Variants in UGGT2 observed in about 807,000 individuals in gnomAD.
UGGT2 encodes the protein UDP-glucose glycoprotein glucosyltransferase 2.
Under a neutral mutation model 192.1 loss-of-function variants are expected in UGGT2, and 180 were observed. The ratio of observed to expected loss-of-function variants is 0.94; its 90% CI spans 0.83 to 1.06. UGGT2 has a LOEUF of 1.06. Among genes scored for constraint, UGGT2 ranks in the 50% least tolerant of loss-of-function variants. UGGT2 has a pLI of 0.00. For missense variants in UGGT2, 1,849 were observed against 1,795.7 expected, an observed-to-expected ratio of 1.03 and a Z score of -0.54; for synonymous variants, 580 against 591.0, an observed-to-expected ratio of 0.98 and a Z score of 0.27.
chr13:95,988,842 A>ATCTTCAC (rs1025359442), intron 8 of UGGT2, among the ~76,000 whole-genome samples: 6 of 152,184 alleles, frequency 3.9e-5, no homozygotes, highest in Non-Finnish European at 8.8e-5. Flanking sequence ...TTGGACCAAA[A>ATCTTCAC]TCTTCACTTA....
Position 96,023,049 on chromosome 13 carries a change from G to A in UGGT2, c.476C>T (p.Ala159Val). Residue 159 changes from alanine to valine, a missense_variant, in exon 4 of 39, where the codon GCT (alanine) becomes GTT (valine). Ala to Val is a moderately conservative substitution (Grantham distance 64). Transcript: ENST00000376747. ...INEIKKLLKK[A>V]ASRTRPYLFK... ...GCTATTATTAATTTACCTTGAAGCA[G>A]CTTTCTTCAGCAGCTTTTTAATCTC... The A allele has an allele frequency of 1.9e-6, 3 of 1,576,864 alleles. No homozygotes were observed. Among genetic ancestry groups the A allele is most frequent in the Non-Finnish European group, 2.6e-6 (3 of 1,160,090 alleles).
intron 10 of UGGT2, among the ~76,000 whole-genome samples, chr13:95,979,837 G>T (rs1190567065): frequency 6.6e-6 from 1 of 151,998 alleles, no homozygotes; most frequent in African/African-American, 2.4e-5. Context: ...CTAAGAACAT[G>T]AATTAGACAA....
rs1047631686 is a variant in UGGT2, at chr13:95,977,618, T to C, written c.1093-4947A>G. Among the ~76,000 whole-genome samples, 49 of 152,200 alleles carry C rather than the reference T, an allele frequency of 3.2e-4. 2 individuals carry two copies. Among genetic ancestry groups the C allele is most frequent in the Non-Finnish European group, 6.8e-4 (46 of 68,022 alleles). On this transcript the variant is annotated intron_variant, in intron 10 of 38. Coordinates refer to ENST00000376747, the MANE Select transcript of UGGT2 (RefSeq NM_020121.4). ...ATGGGAATTTAAATTAGTTAAACCA[T>C]TGTAGAAGACAGTGTCGATTCCTCA...
chr13:95,975,862 G>A (rs952783946), intron 10 of UGGT2, among the ~76,000 whole-genome samples: 1 of 151,972 alleles, frequency 6.6e-6, no homozygotes, highest in Non-Finnish European at 1.5e-5. Flanking sequence ...ACACATTTAT[G>A]GAGATCTTGT....
chr13:95,934,784 C>G (rs1441366156), intron 17 of UGGT2, among the ~76,000 whole-genome samples: 1 of 152,178 alleles, frequency 6.6e-6, no homozygotes, highest in Non-Finnish European at 1.5e-5. Context: ...GGTGGGATTA[C>G]AGGCATGAAC....
rs754747979 is a variant in UGGT2 at position 95,949,348 on chromosome 13, T to C, written c.1442A>G (p.Asn481Ser). ...FPGSVPSIRR[N>S]FHNLVLFIDP... ...TATAAAACTCACCAAATTATGAAAATTGCGCCTTATGGAAGGTACACTTCC... is the reference window on the plus strand; with the variant it reads ...TATAAAACTCACCAAATTATGAAAACTGCGCCTTATGGAAGGTACACTTCC... The change falls in exon 13 of 39, where the codon AAT becomes AGT. Residue 481 changes from asparagine (N) to serine (S), a missense_variant. Asn to Ser is a conservative substitution (Grantham distance 46, BLOSUM62 1). Transcript: ENST00000376747. 5.8e-6 allele frequency: 9 copies of C among 1,553,796 alleles called. No individual in the cohort carries two copies. Among genetic ancestry groups the C allele is most frequent in the Non-Finnish European group, 7.8e-6 (9 of 1,150,834 alleles).
intron 1 of UGGT2, among the ~76,000 whole-genome samples, chr13:96,042,965 C>T (rs1365088551): frequency 6.6e-6 from 1 of 151,992 alleles, no homozygotes; most frequent in African/African-American, 2.4e-5. Flanking sequence ...GGAAAACTTC[C>T]CCACCCTTTC....
chr13:95,991,789 T>C (rs550768250), intron 7 of UGGT2, among the ~76,000 whole-genome samples: 2 of 152,216 alleles, frequency 1.3e-5, no homozygotes, highest in South Asian at 2.1e-4. Flanking sequence ...AAATTCTTTA[T>C]ATAATTTAGG....
At chr13:95,853,856 C>T (rs1040814338) in intron 35 of UGGT2, among the ~76,000 whole-genome samples, 199 bp from the exon 36 acceptor site, 4 of 152,080 alleles carry the variant, frequency 2.6e-5, no homozygotes, top group Non-Finnish European at 5.9e-5. Context: ...TTTGGTAGAA[C>T]CCATAATCTT....
intron 38 of UGGT2, among the ~76,000 whole-genome samples, chr13:95,818,600 C>T (rs1401080373): frequency 6.6e-6 from 1 of 152,090 alleles, no homozygotes; most frequent in African/African-American, 2.4e-5. Context: ...CTGACAGGTG[C>T]TGAGAAGTCT....
chr13:95,983,873 A>T lies in UGGT2; in HGVS notation c.1032-9T>A. ...CAATTCTGGTTAGAGATCTGGAAAA[A>T]TGAATACTAATATAATTGATCCTTC... On this transcript the variant is annotated splice_polypyrimidine_tract_variant and intron_variant, in intron 9 of 38. Transcript: ENST00000376747. The T allele has an allele frequency of 6.6e-7, 1 of 1,513,372 alleles. No homozygotes were observed. Among genetic ancestry groups the T allele is most frequent in the South Asian group, 1.2e-5 (1 of 81,962 alleles). The allele number at this position is 1,513,372 out of a possible 1,614,324, so 93.7% of individuals were successfully genotyped here. A position where few individuals can be genotyped will look rare whatever the true frequency, so the allele number is the denominator to read the frequency against.
At position 95,990,037 on chromosome 13, in the gene UGGT2, T is replaced by C. The variant is rs1289485243; in HGVS notation, c.867A>G (p.Ala289=). The change falls in exon 8 of 39, where the codon GCA becomes GCG. Residue 289 remains alanine (A), a synonymous_variant. Coordinates refer to ENST00000376747, the MANE Select transcript of UGGT2 (RefSeq NM_020121.4). ...IYSDLRDNLT[A]FQKYLIESNK... ...TACTCTCAATCAGGTATTTTTGGAA[T>C]GCTGTCAGATTATCTCTAAGATCTG... The C allele has an allele frequency of 6.2e-7, 1 of 1,605,420 alleles. No homozygotes were observed. The highest frequency in any genetic ancestry group is 8.5e-7 in the Non-Finnish European group (1 of 1,175,654).
intron 38 of UGGT2, among the ~76,000 whole-genome samples, chr13:95,823,308 T>G (rs1885684440): frequency 6.6e-6 from 1 of 152,112 alleles, no homozygotes; most frequent in Admixed American, 6.6e-5. Context: ...AGGGTATAGC[T>G]TAAGTCCACT....
intron 5 of UGGT2, among the ~76,000 whole-genome samples, chr13:96,009,841 G>C (rs1227417714): frequency 6.6e-6 from 1 of 151,882 alleles, no homozygotes. Flanking sequence ...CAAAGGACAT[G>C]AACACTTTTC....
At chr13:95,867,543 T>C in intron 29 of UGGT2, 120 bp from the exon 30 acceptor site, 1 of 660,052 alleles carries the variant, frequency 1.5e-6, no homozygotes, top group Non-Finnish European at 2.5e-6. Flanking sequence ...GCATATATCA[T>C]GTTTTTCTGT....
At chr13:95,932,946 G>T (rs2049337936) in intron 17 of UGGT2, among the ~76,000 whole-genome samples, 1 of 152,104 alleles carries the variant, frequency 6.6e-6, no homozygotes, top group Non-Finnish European at 1.5e-5. Context: ...TTTGATTACG[G>T]TGAATTAATT....
chr13:95,972,774 T>C (rs765995446), intron 10 of UGGT2, 103 bp from the exon 11 acceptor site: 51 of 860,954 alleles, frequency 5.9e-5, no homozygotes, highest in Non-Finnish European at 5.4e-5. Context: ...GTAAATATTT[T>C]AGGTTTGGCA....
At chr13:95,809,589 G>C in intron 38 of UGGT2, 1 of 255,464 alleles carries the variant, frequency 3.9e-6, no homozygotes, top group South Asian at 5.0e-5. Flanking sequence ...CCCTTCGGTG[G>C]AGCTGACCTT....
chr13:95,902,106 T>C (rs1473775026), intron 21 of UGGT2, among the ~76,000 whole-genome samples: 2 of 152,118 alleles, frequency 1.3e-5, no homozygotes, highest in Non-Finnish European at 2.9e-5. Flanking sequence ...AACAGTAAAA[T>C]ACAGTTGGAG....
Sources: allele counts gnomAD v4.1 joint callset (sites outside exome capture counted in the v4.1 genomes callset), GRCh38; gene constraint gnomAD v4.1.1; transcripts MANE v1.5; gene names NCBI Gene and HGNC (gene_info 2026-07-23, HGNC 2026-07-21).